The following KDM2B variants were observed in gnomAD, a reference collection of about 807,000 sequenced individuals.
KDM2B encodes lysine demethylase 2B.
In KDM2B, 26 loss-of-function variants were observed where a neutral mutation model predicts 150.0. That is an observed-to-expected ratio of 0.17 (90% CI 0.13 to 0.24). The LOEUF (loss-of-function observed/expected upper bound fraction) is 0.24, where lower values mean the gene tolerates loss of function less well. Ranked by LOEUF, KDM2B falls within the 10% of genes least tolerant of loss-of-function variation. The probability of loss-of-function intolerance (pLI) is 1.00; values close to 1 mark genes in which losing one functional copy is unlikely to be tolerated. For synonymous variants in KDM2B, 734 were observed against 729.5 expected (o/e 1.01, Z -0.10); for missense variants, 1,265 against 1,816.9 (o/e 0.70, Z 5.52).
chr12:121,499,213 C>T (rs898298960), intron 11 of KDM2B, among the ~76,000 whole-genome samples: 11 of 151,360 alleles, frequency 7.3e-5, no homozygotes, highest in African/African-American at 2.2e-4. Flanking sequence ...CCAGTTCCAC[C>T]GACTCCCTGC....
chr12:121,513,161 A>G lies in KDM2B; in HGVS notation c.1174+115T>C. The G allele has an allele frequency of 8.1e-7, 1 of 1,237,400 alleles. No individual in the cohort carries two copies. The highest frequency in any genetic ancestry group is 1.1e-6 in the Non-Finnish European group (1 of 875,234). 76.7% of individuals were successfully genotyped at this position (1,237,400 alleles called of 1,614,324 possible). On this transcript the variant is annotated intron_variant, in intron 10 of 22. Transcript: ENST00000377071. This position sits in a 1 kb window ranked among gnomAD's most constrained non-coding sequence, Gnocchi z 5.0. ...TGAGGGGTTCCTAGGATTCTGCCCA[A>G]TACACTGATTCAACGAATCCCCAAA... is the stretch of plus-strand genomic sequence containing the variant.
At chr12:121,494,900 A>G (rs944916702) in intron 11 of KDM2B, among the ~76,000 whole-genome samples, 1 of 152,098 alleles carries the variant, frequency 6.6e-6, no homozygotes, top group African/African-American at 2.4e-5. Flanking sequence ...AAAGCAAATC[A>G]CATACCTCCC....
At chr12:121,417,876 G>A in the KDM2B span, 1 of 1,614,072 alleles carries the variant, frequency 6.2e-7, no homozygotes, top group Non-Finnish European at 8.5e-7. This position sits in a 1 kb window ranked among gnomAD's most constrained non-coding sequence, Gnocchi z 5.0. Flanking sequence ...GCTTATGGAT[G>A]GAGACCAAAC....
At chr12:121,532,723 C>T in intron 8 of KDM2B, 83 bp downstream of exon 8, 1 of 1,469,938 alleles carries the variant, frequency 6.8e-7, no homozygotes. Flanking sequence ...CCACCAGGCC[C>T]AGAGCAACCC....
At chr12:121,478,203 G>C (rs2139893648) in intron 12 of KDM2B, among the ~76,000 whole-genome samples, 1 of 151,632 alleles carries the variant, frequency 6.6e-6, no homozygotes, top group South Asian at 2.1e-4. Flanking sequence ...TTTATGTTCA[G>C]CAGTACATGG....
At chr12:121,516,826 TGA>T (rs1358251407) in intron 9 of KDM2B, 2 of 651,284 alleles carry the variant, frequency 3.1e-6, no homozygotes, top group African/African-American at 4.2e-5. Context: ...AGTCAAAATG[TGA>T]GAGTGGGTGG....
At chr12:121,436,830 C>G (rs1874080733) in intron 22 of KDM2B, among the ~76,000 whole-genome samples, 2 of 152,142 alleles carry the variant, frequency 1.3e-5, no homozygotes, top group Non-Finnish European at 2.9e-5. Context: ...AAAATAGATT[C>G]ACTGACAGAT....
chr12:121,510,306 T>C (rs1555303779), intron 10 of KDM2B, among the ~76,000 whole-genome samples: 1 of 152,202 alleles, frequency 6.6e-6, no homozygotes, highest in Non-Finnish European at 1.5e-5. Context: ...AAGACAGTCT[T>C]GCTCAGTTGC....
intron 11 of KDM2B, among the ~76,000 whole-genome samples, chr12:121,506,936 C>T (rs141200832): frequency 3.6e-4 from 50 of 140,586 alleles, no homozygotes; most frequent in African/African-American, 1.1e-3. Flanking sequence ...AACTCCATCT[C>T]AAAAAAAAAA....
intron 10 of KDM2B, among the ~76,000 whole-genome samples, chr12:121,512,385 G>A (rs782435765): frequency 6.6e-6 from 1 of 151,978 alleles, no homozygotes; most frequent in Non-Finnish European, 1.5e-5. Flanking sequence ...CATTAAGGAT[G>A]GGGCATAAGG....
the KDM2B span, among the ~76,000 whole-genome samples, chr12:121,413,680 C>G: frequency 1.3e-5 from 2 of 151,396 alleles, no homozygotes; most frequent in Admixed American, 6.6e-5. Flanking sequence ...CGGGTTCACG[C>G]CATTCTCCTG....
chr12:121,465,004 C>T (rs1223606674), intron 12 of KDM2B, among the ~76,000 whole-genome samples: 1 of 152,142 alleles, frequency 6.6e-6, no homozygotes, highest in African/African-American at 2.4e-5. Context: ...AGCTGACAAA[C>T]ACCTTCTCTG....
At chr12:121,448,898 G>A (rs759807918) in intron 13 of KDM2B, among the ~76,000 whole-genome samples, 1 of 152,206 alleles carries the variant, frequency 6.6e-6, no homozygotes, top group Non-Finnish European at 1.5e-5. Flanking sequence ...TCATGTTCAA[G>A]AGTTCTCAGA....
At chr12:121,524,776 GC>G in intron 8 of KDM2B, 1 of 424,684 alleles carries the variant, frequency 2.4e-6, no homozygotes, top group East Asian at 7.3e-5. Context: ...CCTGCTTCCA[GC>G]CAGAGTCATC....
At chr12:121,551,605 T>C (rs537627035) in intron 4 of KDM2B, among the ~76,000 whole-genome samples, 9 of 152,060 alleles carry the variant, frequency 5.9e-5, no homozygotes, top group Non-Finnish European at 1.3e-4. Flanking sequence ...CAGGTTGGAG[T>C]ATAGTGGCAC....
intron 1 of KDM2B, chr12:121,580,162 A>T: frequency 7.2e-7 from 1 of 1,388,272 alleles, no homozygotes. Flanking sequence ...TAAATAAATA[A>T]AGCAAGCCAG....
intron 12 of KDM2B, among the ~76,000 whole-genome samples, chr12:121,460,089 T>A (rs1878887597): frequency 6.6e-6 from 1 of 152,208 alleles, no homozygotes; most frequent in African/African-American, 2.4e-5. Flanking sequence ...CACTAACTAA[T>A]AAAGTATGTA....
Position 121,467,153 on chromosome 12 carries a change from C to A in KDM2B, c.1735-13809G>T. The A allele has an allele frequency of 8.9e-7, 1 of 1,119,526 alleles. No individual in the cohort carries two copies. The highest frequency in any genetic ancestry group is 1.8e-5 in the South Asian group (1 of 56,532). 69.3% of individuals were successfully genotyped at this position (1,119,526 alleles called of 1,614,324 possible). ...CCTCCCTCAGCCCCACCCCGGGCCGCCGACCTGGTCCGGCTCCGATTCATA... is the reference window on the plus strand; with the variant it reads ...CCTCCCTCAGCCCCACCCCGGGCCGACGACCTGGTCCGGCTCCGATTCATA... On this transcript the variant is annotated intron_variant, in intron 12 of 22. Transcript: ENST00000377071. This position sits in a 1 kb window ranked among gnomAD's most constrained non-coding sequence, Gnocchi z 5.1.
At chr12:121,539,326 CAAAAAAAAAAAAAA>C (rs60048517) in intron 6 of KDM2B, among the ~76,000 whole-genome samples, 17 of 58,616 alleles carry the variant, frequency 2.9e-4, no homozygotes, top group South Asian at 1.7e-3. Context: ...GACCCTCTCC[CAAAAAAAAAAAAAA>C]AAAAAAAAAA....
Sources: gnomAD v4.1 joint callset for allele counts (sites outside exome capture counted in the v4.1 genomes callset) on GRCh38, gnomAD v4.1.1 for gene constraint, Gnocchi (gnomAD v3.1) non-coding constraint, MANE v1.5 for transcripts, NCBI Gene and HGNC (gene_info 2026-07-23, HGNC 2026-07-21) for gene names.